Variants in GRIK2 observed in about 807,000 individuals in gnomAD.
GRIK2 encodes the protein glutamate receptor ionotropic, kainate 2.
A neutral mutation model predicts 100.3 loss-of-function variants in GRIK2; 32 were observed. That is an observed-to-expected ratio of 0.32 (90% CI 0.24 to 0.43). GRIK2 has a LOEUF of 0.43. GRIK2 is among the 20% of genes least tolerant of loss of function. The probability of loss-of-function intolerance (pLI) is 1.00; values close to 1 mark genes in which losing one functional copy is unlikely to be tolerated. For missense variants in GRIK2, 843 were observed against 1,114.9 expected, an observed-to-expected ratio of 0.76 and a Z score of 3.47; for synonymous variants, 417 against 389.4, an observed-to-expected ratio of 1.07 and a Z score of -0.83.
intron 7 of GRIK2, among the ~76,000 whole-genome samples, chr6:101,783,406 A>G (rs114318271): frequency 6.6e-6 from 1 of 152,082 alleles, no homozygotes; most frequent in Non-Finnish European, 1.5e-5. Flanking sequence ...AGGCCTCTCC[A>G]GTCATGCGGA....
intron 2 of GRIK2, among the ~76,000 whole-genome samples, chr6:101,404,864 C>A (rs1582374616): frequency 6.6e-6 from 1 of 152,248 alleles, no homozygotes; most frequent in East Asian, 1.9e-4. Flanking sequence ...GAAGTAGGTG[C>A]ACATCATCAT....
chr6:101,881,760 G>A (rs972256980), intron 11 of GRIK2, among the ~76,000 whole-genome samples: 29 of 151,862 alleles, frequency 1.9e-4, no homozygotes, highest in Non-Finnish European at 4.0e-4. Context: ...GGTTGAGGTG[G>A]GAGGATCCCT....
At chr6:101,859,187 A>C in intron 10 of GRIK2, 100 bp from the exon 11 acceptor site, 1 of 628,628 alleles carries the variant, frequency 1.6e-6, no homozygotes, top group African/African-American at 1.8e-5. Context: ...TGTTGTCCTA[A>C]ATTAATGAGA....
chr6:101,415,163 TA>T (rs1776073166), intron 2 of GRIK2, among the ~76,000 whole-genome samples: 1 of 152,094 alleles, frequency 6.6e-6, no homozygotes, highest in African/African-American at 2.4e-5. Flanking sequence ...TTAAAACAAA[TA>T]TTTTGGTTGA....
chr6:101,779,050 T>C (rs903340364), intron 7 of GRIK2, among the ~76,000 whole-genome samples: 4 of 152,138 alleles, frequency 2.6e-5, no homozygotes, highest in African/African-American at 9.6e-5. Flanking sequence ...TTAATGTCAA[T>C]TTTTATTTGA....
At chr6:101,704,763 C>A (rs1773139748) in intron 7 of GRIK2, among the ~76,000 whole-genome samples, 1 of 150,738 alleles carries the variant, frequency 6.6e-6, no homozygotes, top group South Asian at 2.1e-4. Context: ...TAAATATGAG[C>A]CTCTAATATT....
intron 13 of GRIK2, among the ~76,000 whole-genome samples, chr6:101,925,428 A>G (rs1410645154): frequency 6.6e-6 from 1 of 151,950 alleles, no homozygotes; most frequent in African/African-American, 2.4e-5. Flanking sequence ...AGTTTTTTTC[A>G]AGCAGAATTT....
chr6:101,991,415 A>G (rs1794370448), intron 14 of GRIK2, among the ~76,000 whole-genome samples: 1 of 150,668 alleles, frequency 6.6e-6, no homozygotes, highest in Admixed American at 6.6e-5. Context: ...AATTTGTTGC[A>G]TATTTTCTTT....
At chr6:102,059,341 CT>C (rs1424702081) in intron 16 of GRIK2, among the ~76,000 whole-genome samples, 4 of 151,152 alleles carry the variant, frequency 2.6e-5, no homozygotes, top group African/African-American at 4.8e-5. Context: ...AGAACCTTTT[CT>C]CATCTGAATG....
chr6:101,706,153 CAT>C (rs1314044019), intron 7 of GRIK2, among the ~76,000 whole-genome samples: 1 of 151,806 alleles, frequency 6.6e-6, no homozygotes, highest in African/African-American at 2.4e-5. Context: ...ACAGATTTAT[CAT>C]GTTTTGTTTC....
At chr6:101,499,758 G>A (rs746035142) in intron 2 of GRIK2, among the ~76,000 whole-genome samples, 2 of 152,016 alleles carry the variant, frequency 1.3e-5, no homozygotes, top group Admixed American at 6.6e-5. Context: ...TACTATGTTA[G>A]GTTTATTAGC....
At chr6:101,837,554 G>T (rs1303685886) in intron 10 of GRIK2, among the ~76,000 whole-genome samples, 1 of 151,772 alleles carries the variant, frequency 6.6e-6, no homozygotes, top group South Asian at 2.1e-4. Flanking sequence ...AATAAAGCTG[G>T]AAAAAAAGAA....
At position 102,018,827 on chromosome 6, in the gene GRIK2, G is replaced by A. The variant is rs1187827535; in HGVS notation, c.2086-16514G>A. ...GGCTGGAAGCAGTATTTTTAAAAATGGCACTGTTGCTAGGAAAGACCAATT... is the reference window on the plus strand; with the variant it reads ...GGCTGGAAGCAGTATTTTTAAAAATAGCACTGTTGCTAGGAAAGACCAATT... On this transcript the variant is annotated intron_variant, in intron 14 of 16. Coordinates refer to ENST00000369134, the MANE Select transcript of GRIK2 (RefSeq NM_021956.5). 2.6e-5 allele frequency among the ~76,000 whole-genome samples: 4 copies of A among 152,038 alleles called. No homozygotes were observed. The East Asian group carries it at 5.8e-4, about 22-fold the overall frequency.
At chr6:102,046,164 A>T (rs1259854649) in intron 15 of GRIK2, among the ~76,000 whole-genome samples, 1 of 152,160 alleles carries the variant, frequency 6.6e-6, no homozygotes, top group South Asian at 2.1e-4. Context: ...TATGCACCAA[A>T]TATTGATTCA....
At chr6:101,939,142 T>C (rs1427925747) in intron 14 of GRIK2, among the ~76,000 whole-genome samples, 3 of 152,058 alleles carry the variant, frequency 2.0e-5, no homozygotes, top group African/African-American at 4.8e-5. Flanking sequence ...ACAGCATTAC[T>C]AATGGATATA....
At chr6:101,752,790 T>C (rs1259052405) in intron 7 of GRIK2, among the ~76,000 whole-genome samples, 2 of 152,184 alleles carry the variant, frequency 1.3e-5, no homozygotes, top group Non-Finnish European at 2.9e-5. Flanking sequence ...ATATTGCATA[T>C]GTAAGAGTAC....
At chr6:101,494,043 TA>T (rs1160891334) in intron 2 of GRIK2, among the ~76,000 whole-genome samples, 1 of 146,266 alleles carries the variant, frequency 6.8e-6, no homozygotes, top group Non-Finnish European at 1.5e-5. Flanking sequence ...ATTTATTATA[TA>T]AAATATATAT....
chr6:101,892,369 C>T (rs985141313), intron 12 of GRIK2, among the ~76,000 whole-genome samples: 1 of 152,084 alleles, frequency 6.6e-6, no homozygotes, highest in African/African-American at 2.4e-5. Context: ...GATGGATATG[C>T]ACTTATCTAA....
At chr6:101,987,112 C>A (rs963861020) in intron 14 of GRIK2, among the ~76,000 whole-genome samples, 1 of 151,794 alleles carries the variant, frequency 6.6e-6, no homozygotes, top group Non-Finnish European at 1.5e-5. Context: ...GATCAATCCA[C>A]GGCACTTCAG....
Sources: gnomAD v4.1 joint callset for allele counts (sites outside exome capture counted in the v4.1 genomes callset) on GRCh38, gnomAD v4.1.1 for gene constraint, MANE v1.5 for transcripts, NCBI Gene and HGNC (gene_info 2026-07-23, HGNC 2026-07-21) for gene names.